The following DNAJC22 variants were observed in gnomAD, a reference collection of about 807,000 sequenced individuals.
DNAJC22 encodes the protein DnaJ heat shock protein family (Hsp40) member C22.
In DNAJC22, 24 loss-of-function variants were observed where a neutral mutation model predicts 22.2. The ratio of observed to expected loss-of-function variants is 1.08; its 90% confidence interval spans 0.78 to 1.52. The LOEUF (loss-of-function observed/expected upper bound fraction) is 1.52, where lower values mean the gene tolerates loss of function less well. DNAJC22 is among the 40% of genes most tolerant of loss of function. The probability of loss-of-function intolerance (pLI) is 0.00; values close to 1 mark genes in which losing one functional copy is unlikely to be tolerated. For missense variants in DNAJC22, 434 were observed against 421.7 expected (o/e 1.03, Z -0.26); for synonymous variants, 160 against 167.4 (o/e 0.96, Z 0.34).
Position 49,349,459 on chromosome 12 carries a change from T to A in DNAJC22, c.587T>A (p.Leu196Gln). 1 of 1,614,206 alleles carries A rather than the reference T, an allele frequency of 6.2e-7. No homozygotes were observed. Among genetic ancestry groups the A allele is most frequent in the Non-Finnish European group, 8.5e-7 (1 of 1,180,032 alleles). ...GCTTACCTTGCTTTCACAGGCCCAC[T>A]GGCATACAGTGCCCTCTGCAACACA... The part of the protein sequence containing the change: ...GLAYLAFTGP[L>Q]AYSALCNTAA... Residue 196 changes from leucine (L) to glutamine (Q), a missense_variant, in exon 3 of 4, where the codon CTG becomes CAG. Leu to Gln is a moderately radical substitution (Grantham distance 113). Coordinates refer to ENST00000549441, the MANE Select transcript of DNAJC22 (RefSeq NM_001304944.2).
Position 49,353,277 on chromosome 12 carries a change from C to T in DNAJC22, c.*1775C>T, listed in dbSNP as rs920535935. On this transcript the variant is annotated 3_prime_UTR_variant, in exon 4 of 4. Coordinates refer to ENST00000549441, the MANE Select transcript of DNAJC22 (RefSeq NM_001304944.2). ...ATGTGCCTTTACTGCAGCTTTCTTGCTCTCTTTGTGTGTGTGCATTCTTTC... is the reference window on the plus strand; with the variant it reads ...ATGTGCCTTTACTGCAGCTTTCTTGTTCTCTTTGTGTGTGTGCATTCTTTC... 5 of 152,162 alleles carry T rather than the reference C, an allele frequency of 3.3e-5. No individual in the cohort carries two copies. Among genetic ancestry groups the T allele is most frequent in the African/African-American group, 1.2e-4 (5 of 41,424 alleles). 9.4% of individuals were successfully genotyped at this position (152,162 alleles called of 1,614,324 possible). A position where few individuals can be genotyped will look rare whatever the true frequency, so the allele number is the denominator to read the frequency against.
chr12:49,349,685 G>T lies in DNAJC22; in HGVS notation c.813G>T (p.Gln271His). 1 of 1,614,204 alleles carries T rather than the reference G, an allele frequency of 6.2e-7. No homozygotes were observed. Among genetic ancestry groups the T allele is most frequent in the Non-Finnish European group, 8.5e-7 (1 of 1,180,042 alleles). ...AKLYEFVHSF[Q>H]DEKRQLAYQV... ...TCTATGAGTTTGTTCACAGTTTTCAGGATGAGAAGCGTCAGCTGGCTTACC... is the reference window on the plus strand; with the variant it reads ...TCTATGAGTTTGTTCACAGTTTTCATGATGAGAAGCGTCAGCTGGCTTACC... Residue 271 changes from glutamine to histidine, a missense_variant, in exon 3 of 4, where the codon CAG becomes CAT. Gln to His is a conservative substitution (Grantham distance 24). Coordinates refer to ENST00000549441, the MANE Select transcript of DNAJC22 (RefSeq NM_001304944.2).
rs1237474861 is a variant in DNAJC22, at chr12:49,353,170, A to G, written c.*1668A>G. ...AAGGGGGCCTTATTCAATTCTAGGT[A>G]ACTAGCCAGGTGTGAAAGAAAGGGC... is the stretch of plus-strand genomic sequence containing the variant. On this transcript the variant is annotated 3_prime_UTR_variant, in exon 4 of 4. Transcript: ENST00000549441. 6.6e-6 allele frequency: 1 copy of G among 152,122 alleles called. No homozygotes were observed. The highest frequency in any genetic ancestry group is 2.4e-5 in the African/African-American group (1 of 41,408). 9.4% of individuals were successfully genotyped at this position (152,122 alleles called of 1,614,324 possible). A position where few individuals can be genotyped will look rare whatever the true frequency, so the allele number is the denominator to read the frequency against.
chr12:49,349,080 A>G lies in DNAJC22; in HGVS notation c.208A>G (p.Arg70Gly). ...NRAQGQRQSP[R>G]GVTPPLSPIR... ...AGCCCAGGGACAGAGGCAGAGCCCCAGAGGGGTGACACCCCCTCTGAGTCC... is the reference window on the plus strand; with the variant it reads ...AGCCCAGGGACAGAGGCAGAGCCCCGGAGGGGTGACACCCCCTCTGAGTCC... Residue 70 changes from arginine to glycine, a missense_variant, in exon 3 of 4, where the codon AGA (arginine) becomes GGA (glycine). Transcript: ENST00000549441. The G allele has an allele frequency of 6.2e-7, 1 of 1,614,106 alleles. No homozygotes were observed. Among genetic ancestry groups the G allele is most frequent in the Non-Finnish European group, 8.5e-7 (1 of 1,179,988 alleles).
rs1014142435 is a variant in DNAJC22 at position 49,349,408 on chromosome 12, G to C, written c.536G>C (p.Ser179Thr). Residue 179 changes from serine (S) to threonine (T), a missense_variant, in exon 3 of 4, where the codon AGT becomes ACT. By Grantham distance (58) the Ser-to-Thr change is moderately conservative. Transcript: ENST00000549441. ...YKALVASEPLSVRLYRLGLAY... is the reference protein window; with the variant it reads ...YKALVASEPLTVRLYRLGLAY... ...GCTTTGGTGGCATCAGAGCCGCTCA[G>C]TGTGCGGCTCTATCGTCTGGGCTTG... is the stretch of plus-strand genomic sequence containing the variant. The C allele has an allele frequency of 5.6e-6, 9 of 1,611,634 alleles. No homozygotes were observed. Among genetic ancestry groups the C allele is most frequent in the Non-Finnish European group, 7.6e-6 (9 of 1,179,066 alleles).
chr12:49,350,912 G>A (rs763386149), intron 3 of DNAJC22, among the ~76,000 whole-genome samples: 1 of 152,086 alleles, frequency 6.6e-6, no homozygotes, highest in Admixed American at 6.5e-5. Context: ...TGAACATTTG[G>A]GTTGTTTATG....
rs536241614 is a variant in DNAJC22 at position 49,352,843 on chromosome 12, G to A, written c.*1341G>A. ...TGGAGAGCTCTCAGACTTTACATAG[G>A]TGATTGGACTGGCTGACTTCTCAGG... On this transcript the variant is annotated 3_prime_UTR_variant, in exon 4 of 4. Transcript: ENST00000549441. 1 of 152,272 alleles carries A rather than the reference G, an allele frequency of 6.6e-6. No homozygotes were observed. Among genetic ancestry groups the A allele is most frequent in the Non-Finnish European group, 1.5e-5 (1 of 68,040 alleles). 9.4% of individuals were successfully genotyped at this position (152,272 alleles called of 1,614,324 possible). A position where few individuals can be genotyped will look rare whatever the true frequency, so the allele number is the denominator to read the frequency against.
Position 49,352,057 on chromosome 12 carries a change from G to C in DNAJC22, c.*555G>C, listed in dbSNP as rs1173578424. On this transcript the variant is annotated 3_prime_UTR_variant, in exon 4 of 4. Transcript: ENST00000549441. ...TTTTCTTAAAACCAGAGAGTGAAAGGCATATTATAAAACAATCAAATATCT... is the reference window on the plus strand; with the variant it reads ...TTTTCTTAAAACCAGAGAGTGAAAGCCATATTATAAAACAATCAAATATCT... The C allele has an allele frequency of 6.6e-6, 1 of 152,038 alleles. No individual in the cohort carries two copies. Among genetic ancestry groups the C allele is most frequent in the Non-Finnish European group, 1.5e-5 (1 of 68,026 alleles). 9.4% of individuals were successfully genotyped at this position (152,038 alleles called of 1,614,324 possible).
rs1376104904 is a variant in DNAJC22, at chr12:49,352,058, C to A, written c.*556C>A. ...TTTCTTAAAACCAGAGAGTGAAAGG[C>A]ATATTATAAAACAATCAAATATCTT... On this transcript the variant is annotated 3_prime_UTR_variant, in exon 4 of 4. Coordinates refer to ENST00000549441, the MANE Select transcript of DNAJC22 (RefSeq NM_001304944.2). 1 of 152,082 alleles carries A rather than the reference C, an allele frequency of 6.6e-6. No individual in the cohort carries two copies. The highest frequency in any genetic ancestry group is 1.5e-5 in the Non-Finnish European group (1 of 68,038). 9.4% of individuals were successfully genotyped at this position (152,082 alleles called of 1,614,324 possible).
chr12:49,351,057 T>A (rs1943777397), intron 3 of DNAJC22: 1 of 720,400 alleles, frequency 1.4e-6, no homozygotes, highest in African/African-American at 1.9e-5. Context: ...AATGGGCAGT[T>A]GTGGTTAATG....
chr12:49,351,325 C>A lies in DNAJC22; in HGVS notation c.849C>A (p.Gly283=). 1 of 1,613,442 alleles carries A rather than the reference C, an allele frequency of 6.2e-7. No individual in the cohort carries two copies. The highest frequency in any genetic ancestry group is 1.1e-5 in the South Asian group (1 of 91,038). ...EKRQLAYQVL[G]LSEGATNEEI... ...TCTTCTGTTTCCATAAGGTTTTGGGCCTCTCAGAAGGGGCAACAAATGAAG... is the reference window on the plus strand; with the variant it reads ...TCTTCTGTTTCCATAAGGTTTTGGGACTCTCAGAAGGGGCAACAAATGAAG... The change falls in exon 4 of 4, where the codon GGC becomes GGA. Residue 283 remains glycine, a synonymous_variant. Transcript: ENST00000549441.
chr12:49,350,069 A>AGTC (rs959686379), intron 3 of DNAJC22, among the ~76,000 whole-genome samples: 2 of 147,828 alleles, frequency 1.4e-5, no homozygotes, highest in African/African-American at 5.1e-5. Flanking sequence ...AGTTTTGCTC[A>AGTC]TTCTTCTTCT....
rs1233071736 is a variant in DNAJC22, at chr12:49,349,035, T to C, written c.163T>C (p.Phe55Leu). ...CTGGGAGTTCTGGAAGCTCCCAAGC[T>C]TTGTAGCTCAGGCCAACAGAGCCCA... ...WLWEFWKLPS[F>L]VAQANRAQGQ... Residue 55 changes from phenylalanine (F) to leucine (L), a missense_variant, in exon 3 of 4, where the codon TTT becomes CTT. Transcript: ENST00000549441. The C allele has an allele frequency of 6.2e-7, 1 of 1,604,132 alleles. No individual in the cohort carries two copies. The highest frequency in any genetic ancestry group is 1.3e-5 in the African/African-American group (1 of 74,446).
chr12:49,348,700 A>T (rs1233394974), intron 2 of DNAJC22, 66 bp from the exon 3 acceptor site: 3 of 854,940 alleles, frequency 3.5e-6, no homozygotes, highest in Non-Finnish European at 4.8e-6. Context: ...TTTATTGGAA[A>T]GAGAAATGGT....
In DNAJC22 at chr12:49,348,842, C is replaced by T. The variant is rs757410316; in HGVS notation, c.-31C>T. The T allele has an allele frequency of 3.4e-6, 5 of 1,456,660 alleles. No individual in the cohort carries two copies. Among genetic ancestry groups the T allele is most frequent in the Non-Finnish European group, 4.5e-6 (5 of 1,103,864 alleles). 90.2% of individuals were successfully genotyped at this position (1,456,660 alleles called of 1,614,324 possible). ...CCGAGACTTCTGTGCTGCGAGTAAC[C>T]GGACTTGTTCTGAGACCTTTGCCCT... On this transcript the variant is annotated 5_prime_UTR_variant, in exon 3 of 4. Coordinates refer to ENST00000549441, the MANE Select transcript of DNAJC22 (RefSeq NM_001304944.2).
At position 49,349,123 on chromosome 12, in the gene DNAJC22, A is replaced by C. The variant is rs774154861; in HGVS notation, c.251A>C (p.Gln84Pro). The part of the protein sequence containing the change: ...PPLSPIRFAA[Q>P]VIVGIYFGLV... The stretch of plus-strand genomic sequence containing the variant: ...CTGAGTCCCATTCGCTTTGCTGCCC[A>C]GGTGATAGTTGGCATCTATTTTGGC... Residue 84 changes from glutamine (Q) to proline (P), a missense_variant, in exon 3 of 4, where the codon CAG becomes CCG. Gln to Pro is a moderately conservative substitution (Grantham distance 76). Coordinates refer to ENST00000549441, the MANE Select transcript of DNAJC22 (RefSeq NM_001304944.2). The C allele has an allele frequency of 2.5e-6, 4 of 1,614,172 alleles. No homozygotes were observed. In the South Asian group the frequency reaches 4.4e-5, roughly 18 times the overall value.
chr12:49,349,760 ATG>A (rs778991164), intron 3 of DNAJC22, 48 bp downstream of exon 3: 2 of 1,610,458 alleles, frequency 1.2e-6, no homozygotes, highest in African/African-American at 2.7e-5. Context: ...GGTGGCCCTC[ATG>A]TGGAAGTACT....
rs544879437 is a variant in DNAJC22, at chr12:49,353,197, C to A, written c.*1695C>A. On this transcript the variant is annotated 3_prime_UTR_variant, in exon 4 of 4. Coordinates refer to ENST00000549441, the MANE Select transcript of DNAJC22 (RefSeq NM_001304944.2). The stretch of plus-strand genomic sequence containing the variant: ...CTAGCCAGGTGTGAAAGAAAGGGCC[C>A]AGGGTGTCTCACTTTGCAGAGGAAG... 1 of 152,234 alleles carries A rather than the reference C, an allele frequency of 6.6e-6. No individual in the cohort carries two copies. Among genetic ancestry groups the A allele is most frequent in the South Asian group, 2.1e-4 (1 of 4,822 alleles). 9.4% of individuals were successfully genotyped at this position (152,234 alleles called of 1,614,324 possible).
In DNAJC22 at chr12:49,349,612, T is replaced by A. The variant is rs756031925; in HGVS notation, c.740T>A (p.Met247Lys). The A allele has an allele frequency of 2.5e-6, 4 of 1,614,196 alleles. No homozygotes were observed. Residue 247 changes from methionine (M) to lysine (K), a missense_variant, in exon 3 of 4, where the codon ATG (methionine) becomes AAG (lysine). Physicochemically the swap from Met to Lys is moderately conservative, Grantham distance 95. Transcript: ENST00000549441. ...CCTTACCGGATCTGGAGGCTACTGATGGGGGAGACTGGCTTCAACAGCAGC... is the reference window on the plus strand; with the variant it reads ...CCTTACCGGATCTGGAGGCTACTGAAGGGGGAGACTGGCTTCAACAGCAGC... Reference protein sequence around the residue: ...LLPYRIWRLLMGETGFNSSCF... With the variant: ...LLPYRIWRLLKGETGFNSSCF...
Sources: allele counts gnomAD v4.1 joint callset (sites outside exome capture counted in the v4.1 genomes callset), GRCh38; gene constraint gnomAD v4.1.1; transcripts MANE v1.5; gene names NCBI Gene and HGNC (gene_info 2026-07-23, HGNC 2026-07-21).